Variants in FLT1 observed in about 807,000 individuals in gnomAD.
FLT1 encodes the protein vascular endothelial growth factor receptor 1.
A neutral mutation model predicts 156.3 loss-of-function variants in FLT1; 49 were observed. The ratio of observed to expected loss-of-function variants is 0.31; its 90% CI spans 0.25 to 0.40. The LOEUF (loss-of-function observed/expected upper bound fraction) is 0.40. Among genes scored for constraint, FLT1 ranks in the 10% least tolerant of loss-of-function variants. The pLI is 1.00. For synonymous variants in FLT1, 594 were observed against 583.8 expected, an observed-to-expected ratio of 1.02 and a Z score of -0.25; for missense variants, 1,322 against 1,637.2, an observed-to-expected ratio of 0.81 and a Z score of 3.32.
intron 3 of FLT1, among the ~76,000 whole-genome samples, chr13:28,464,278 C>A (rs1440478956): frequency 1.3e-5 from 2 of 152,194 alleles, no homozygotes; most frequent in East Asian, 3.8e-4. Context: ...TAATGTCCAA[C>A]AAATTATGCA....
At chr13:28,332,829 T>G (rs1436618066) in intron 18 of FLT1, among the ~76,000 whole-genome samples, 1 of 152,242 alleles carries the variant, frequency 6.6e-6, no homozygotes, top group African/African-American at 2.4e-5. Flanking sequence ...TGAAAGTATC[T>G]AGTCTGGTGC....
Position 28,433,972 on chromosome 13 carries a change from G to T in FLT1, c.677-17C>A, listed in dbSNP as rs1304557034. 9 of 1,614,066 alleles carry T rather than the reference G, an allele frequency of 5.6e-6. No homozygotes were observed. Among genetic ancestry groups the T allele is most frequent in the Non-Finnish European group, 7.6e-6 (9 of 1,179,954 alleles). On this transcript the variant is annotated splice_polypyrimidine_tract_variant and intron_variant, in intron 5 of 29. Transcript: ENST00000282397. ...TTGTATTGGCTGCAAGCATAAGAGA[G>T]AAATTTTTTAAAATTAAGATTTCAT...
intron 10 of FLT1, among the ~76,000 whole-genome samples, chr13:28,412,369 T>TTTCTTTCTTTCC (rs1232167921): frequency 1.2e-5 from 1 of 83,176 alleles, no homozygotes; most frequent in East Asian, 3.6e-4. Flanking sequence ...TCTTTCTTTC[T>TTTCTTTCTTTCC]TTCTTTCTTT....
At chr13:28,453,965 C>T (rs901037454) in intron 3 of FLT1, among the ~76,000 whole-genome samples, 1 of 151,826 alleles carries the variant, frequency 6.6e-6, no homozygotes, top group Non-Finnish European at 1.5e-5. Flanking sequence ...TAGGGTGCTT[C>T]CCAGAGGGGG....
intron 10 of FLT1, among the ~76,000 whole-genome samples, chr13:28,411,000 T>TA (rs1200471431): frequency 6.6e-6 from 1 of 152,112 alleles, no homozygotes; most frequent in African/African-American, 2.4e-5. Context: ...AGTCACCTGT[T>TA]ACAGAGGAAA....
chr13:28,432,409 T>C (rs942588310), intron 6 of FLT1, among the ~76,000 whole-genome samples: 4 of 152,126 alleles, frequency 2.6e-5, no homozygotes. Flanking sequence ...AGAGAACTAG[T>C]CCCCTAACGT....
chr13:28,408,317 G>T (rs1875932967), intron 10 of FLT1, among the ~76,000 whole-genome samples: 1 of 152,160 alleles, frequency 6.6e-6, no homozygotes, highest in South Asian at 2.1e-4. Flanking sequence ...CCACACCCAT[G>T]ACTCTGAGGG....
chr13:28,389,799 T>C lies in FLT1; in HGVS notation c.1966A>G (p.Arg656Gly). Reference sequence around the variant, plus strand: ...GCCTTTTTGTTGCAGTGCTCACCTCTGATTGTAATTTCTTTCTTCTGGAGG... The same window carrying C: ...GCCTTTTTGTTGCAGTGCTCACCTCCGATTGTAATTTCTTTCTTCTGGAGG... ...EILQKKEITI[R>G]DQEAPYLLRN... The change falls in exon 13 of 30, where the codon AGA (arginine) becomes GGA (glycine). Residue 656 changes from arginine to glycine, a missense_variant. Transcript: ENST00000282397. 6.2e-7 allele frequency: 1 copy of C among 1,614,228 alleles called. No homozygotes were observed. Among genetic ancestry groups the C allele is most frequent in the Non-Finnish European group, 8.5e-7 (1 of 1,180,032 alleles).
chr13:28,391,771 G>A (rs555350518), intron 12 of FLT1, among the ~76,000 whole-genome samples: 4 of 152,056 alleles, frequency 2.6e-5, no homozygotes, highest in South Asian at 4.2e-4. Flanking sequence ...CTTCCCCTCC[G>A]CATGCCTAAC....
chr13:28,494,941 C>A lies in FLT1; in HGVS notation c.-98G>T, dbSNP rs1219770845. On this transcript the variant is annotated 5_prime_UTR_variant, in exon 1 of 30. Transcript: ENST00000282397. The stretch of plus-strand genomic sequence containing the variant: ...TCCTCTCGTTCGCCGCCGCCGGCCC[C>A]GCGCCCTGAGCGCCCGTCTCGCGGC... 4.2e-6 allele frequency: 4 copies of A among 956,558 alleles called. No individual in the cohort carries two copies. Among genetic ancestry groups the A allele is most frequent in the African/African-American group, 1.8e-5 (1 of 57,122 alleles). 59.3% of individuals were successfully genotyped at this position (956,558 alleles called of 1,614,324 possible).
intron 12 of FLT1, among the ~76,000 whole-genome samples, chr13:28,393,570 A>T (rs1263655376): frequency 1.3e-5 from 2 of 151,922 alleles, no homozygotes; most frequent in African/African-American, 2.4e-5. Flanking sequence ...ACTCAAAAAA[A>T]TTTTTGTGTT....
chr13:28,331,465 C>G (rs1871927529), intron 18 of FLT1, among the ~76,000 whole-genome samples: 1 of 152,244 alleles, frequency 6.6e-6, no homozygotes, highest in Admixed American at 6.5e-5. Context: ...GAGTCTCGCT[C>G]TGTCACCCAG....
At chr13:28,411,728 GGGTGAGT>G (rs1243061875) in intron 10 of FLT1, among the ~76,000 whole-genome samples, 103 of 152,168 alleles carry the variant, frequency 6.8e-4, no homozygotes, top group African/African-American at 2.4e-3. Context: ...ACAGGAGTGT[GGGTGAGT>G]GGTGATTTGA....
At chr13:28,388,746 A>T in intron 13 of FLT1, 1 of 1,058,984 alleles carries the variant, frequency 9.4e-7, no homozygotes, top group South Asian at 4.6e-5. Flanking sequence ...ATTTAGAAGA[A>T]TGCATTAAAT....
intron 12 of FLT1, among the ~76,000 whole-genome samples, chr13:28,394,633 T>C (rs17626553): frequency 0.17 from 25,745 of 152,074 alleles, 2,490 homozygotes; most frequent in Admixed American, 0.27. Flanking sequence ...ATGTTCCCCT[T>C]TTCTCTTAGC....
At chr13:28,387,828 C>G in intron 13 of FLT1, 1 of 829,468 alleles carries the variant, frequency 1.2e-6, no homozygotes, top group African/African-American at 1.8e-5. Flanking sequence ...AAAAAAGACT[C>G]TCCGGAAGGA....
At chr13:28,412,111 C>G (rs989975211) in intron 10 of FLT1, among the ~76,000 whole-genome samples, 1 of 152,092 alleles carries the variant, frequency 6.6e-6, no homozygotes, top group Non-Finnish European at 1.5e-5. Context: ...GAAAAAAAAG[C>G]CCATCTGGAA....
At position 28,427,262 on chromosome 13, in the gene FLT1, G is replaced by A; in HGVS notation, c.1333C>T (p.Pro445Ser). 6.2e-7 allele frequency: 1 copy of A among 1,613,954 alleles called. No individual in the cohort carries two copies. The highest frequency in any genetic ancestry group is 1.1e-5 in the South Asian group (1 of 91,080). The change falls in exon 10 of 30, where the codon CCA (proline) becomes TCA (serine). Residue 445 changes from proline (P) to serine (S), a missense_variant. Pro to Ser is a moderately conservative substitution (Grantham distance 74). Coordinates refer to ENST00000282397, the MANE Select transcript of FLT1 (RefSeq NM_002019.4). ...VSSFPDPALYPLGSRQILTCT... is the reference protein window; with the variant it reads ...VSSFPDPALYSLGSRQILTCT... ...GTCAGGATTTGTCTGCTGCCCAGTGGGTAGAGAGCCGGGTCTGGAAACGAT... is the reference window on the plus strand; with the variant it reads ...GTCAGGATTTGTCTGCTGCCCAGTGAGTAGAGAGCCGGGTCTGGAAACGAT...
At chr13:28,313,656 A>G (rs1261129944) in intron 25 of FLT1, among the ~76,000 whole-genome samples, 1 of 152,142 alleles carries the variant, frequency 6.6e-6, no homozygotes, top group Non-Finnish European at 1.5e-5. Context: ...GGGAAGAGAT[A>G]ACTCTGCTCC....
Sources: allele counts gnomAD v4.1 joint callset (sites outside exome capture counted in the v4.1 genomes callset), GRCh38; gene constraint gnomAD v4.1.1; transcripts MANE v1.5; gene names NCBI Gene and HGNC (gene_info 2026-07-23, HGNC 2026-07-21).